ADAMTSL1: variants seen among roughly 807,000 people sequenced by gnomAD.
ADAMTSL1 encodes the protein ADAMTS like 1.
Under a neutral mutation model 201.8 loss-of-function variants are expected in ADAMTSL1, and 126 were observed. That is an observed-to-expected ratio of 0.62 (90% CI 0.54 to 0.72). The LOEUF (loss-of-function observed/expected upper bound fraction) is 0.72. Among genes scored for constraint, ADAMTSL1 ranks in the 30% least tolerant of loss-of-function variants. ADAMTSL1 has a pLI of 0.00. For missense variants in ADAMTSL1, 2,679 were observed against 2,277.8 expected (o/e 1.18, Z -3.59); for synonymous variants, 1,121 against 903.4 (o/e 1.24, Z -4.32).
At chr9:18,290,015 G>A (rs1033978716) in intron 2 of ADAMTSL1, among the ~76,000 whole-genome samples, 1 of 152,154 alleles carries the variant, frequency 6.6e-6, no homozygotes, top group Non-Finnish European at 1.5e-5. Flanking sequence ...CTTCACAGCA[G>A]GTTCAAAGAG....
Position 18,661,994 on chromosome 9 carries a change from C to A in ADAMTSL1, c.1006C>A (p.Gln336Lys), listed in dbSNP as rs757559183. The A allele has an allele frequency of 3.7e-6, 6 of 1,613,950 alleles. No homozygotes were observed. The highest frequency in any genetic ancestry group is 5.1e-6 in the Non-Finnish European group (6 of 1,179,968). Residue 336 changes from glutamine (Q) to lysine (K), a missense_variant, in exon 9 of 29, where the codon CAA becomes AAA. Gln to Lys is a moderately conservative substitution (Grantham distance 53). Coordinates refer to ENST00000380548, the MANE Select transcript of ADAMTSL1 (RefSeq NM_001040272.6). ...DLRSNRVVADQYCHYYPENIK... is the reference protein window; with the variant it reads ...DLRSNRVVADKYCHYYPENIK... ...GAGGAGCAACCGTGTGGTTGCTGAC[C>A]AATACTGTCACTATTACCCAGAGAA... is the stretch of plus-strand genomic sequence containing the variant.
intron 1 of ADAMTSL1, among the ~76,000 whole-genome samples, chr9:18,493,268 C>A (rs1822354720): frequency 1.3e-5 from 2 of 152,186 alleles, no homozygotes; most frequent in Non-Finnish European, 2.9e-5. Flanking sequence ...TAATTCTGCT[C>A]AACTTTACAT....
At chr9:18,073,978 A>AT (rs11353443) in intron 1 of ADAMTSL1, among the ~76,000 whole-genome samples, 37 of 150,748 alleles carry the variant, frequency 2.5e-4, no homozygotes, top group Non-Finnish European at 4.1e-4. Flanking sequence ...TGTAAAACTG[A>AT]TTTTTTTTTT....
At chr9:18,657,918 C>A (rs1828805982) in intron 8 of ADAMTSL1, among the ~76,000 whole-genome samples, 168 bp downstream of exon 8, 3 of 152,120 alleles carry the variant, frequency 2.0e-5, no homozygotes, top group Non-Finnish European at 4.4e-5. Context: ...GCAGATACCT[C>A]CGCCAAGATG....
Position 18,910,264 on chromosome 9 carries a change from AG to A in ADAMTSL1, c.*1717del, listed in dbSNP as rs1161451799. 1.3e-5 allele frequency: 2 copies of A among 152,130 alleles called. No homozygotes were observed. The highest frequency in any genetic ancestry group is 4.8e-5 in the African/African-American group (2 of 41,398). The allele number at this position is 152,130 out of a possible 1,614,324, so 9.4% of individuals were successfully genotyped here. On this transcript the variant is annotated 3_prime_UTR_variant, in exon 29 of 29. Transcript: ENST00000380548. ...TCATGTTACTAAAAAATCAGTGTAAAGTCTGTTTAAAATAAAAAAGAATGTT... is the reference window on the plus strand; with the variant it reads ...TCATGTTACTAAAAAATCAGTGTAAATCTGTTTAAAATAAAAAAGAATGTT...
intron 1 of ADAMTSL1, among the ~76,000 whole-genome samples, chr9:18,117,613 A>G (rs1357102016): frequency 6.6e-6 from 1 of 152,088 alleles, no homozygotes; most frequent in African/African-American, 2.4e-5. Context: ...GTTGTTTCCC[A>G]TGGCACCTGT....
At chr9:17,988,842 T>C (rs1472329034) in intron 1 of ADAMTSL1, among the ~76,000 whole-genome samples, 1 of 152,056 alleles carries the variant, frequency 6.6e-6, no homozygotes, top group Non-Finnish European at 1.5e-5. Flanking sequence ...TAACAAGGTT[T>C]CATCTTGATC....
intron 1 of ADAMTSL1, among the ~76,000 whole-genome samples, chr9:17,930,842 G>A (rs1323996674): frequency 1.3e-5 from 2 of 152,180 alleles, no homozygotes; most frequent in Admixed American, 6.5e-5. Context: ...CCCTACAGTA[G>A]TGAATCTTCC....
intron 1 of ADAMTSL1, among the ~76,000 whole-genome samples, chr9:18,154,326 C>T (rs1827051614): frequency 6.6e-6 from 1 of 152,018 alleles, no homozygotes; most frequent in Non-Finnish European, 1.5e-5. Context: ...GATTCTTCTG[C>T]TCCTTGTGCA....
At chr9:18,889,414 T>A (rs1424511245) in intron 24 of ADAMTSL1, among the ~76,000 whole-genome samples, 154 bp from the exon 25 acceptor site, 3 of 152,190 alleles carry the variant, frequency 2.0e-5, no homozygotes, top group Non-Finnish European at 4.4e-5. Flanking sequence ...CGGGAATGGT[T>A]CCCTGCGAGG....
At chr9:18,538,710 C>G (rs1471025286) in intron 3 of ADAMTSL1, among the ~76,000 whole-genome samples, 1 of 152,198 alleles carries the variant, frequency 6.6e-6, no homozygotes, top group Non-Finnish European at 1.5e-5. Flanking sequence ...TGTGAAAATT[C>G]ATGGCATTCA....
chr9:18,348,605 G>C (rs1835827474), intron 2 of ADAMTSL1, among the ~76,000 whole-genome samples: 1 of 152,074 alleles, frequency 6.6e-6, no homozygotes, highest in South Asian at 2.1e-4. Flanking sequence ...CATATATTTG[G>C]AAAGATCTGG....
At chr9:18,388,119 A>G (rs11788914) in intron 2 of ADAMTSL1, among the ~76,000 whole-genome samples, 5,915 of 152,072 alleles carry the variant, frequency 0.039, 243 homozygotes, top group Admixed American at 0.13. Flanking sequence ...TTTAAATCCT[A>G]TATTTTGAAC....
intron 1 of ADAMTSL1, among the ~76,000 whole-genome samples, chr9:18,091,287 C>T (rs1824007422): frequency 6.6e-6 from 1 of 151,968 alleles, no homozygotes; most frequent in Non-Finnish European, 1.5e-5. Flanking sequence ...TATGGTGTCT[C>T]ATCTTGGTAG....
intron 1 of ADAMTSL1, among the ~76,000 whole-genome samples, chr9:18,032,721 C>A (rs1272616840): frequency 6.6e-6 from 1 of 152,212 alleles, no homozygotes; most frequent in East Asian, 1.9e-4. Context: ...ACCTACTCTC[C>A]AGGCAGATCC....
chr9:18,482,257 CTAATAG>C (rs1483343009), intron 1 of ADAMTSL1, among the ~76,000 whole-genome samples: 1 of 152,222 alleles, frequency 6.6e-6, no homozygotes, highest in Non-Finnish European at 1.5e-5. Flanking sequence ...TTGCCGGACT[CTAATAG>C]TTTCACCACC....
At chr9:18,830,686 A>G (rs1824920552) in intron 23 of ADAMTSL1, among the ~76,000 whole-genome samples, 2 of 152,228 alleles carry the variant, frequency 1.3e-5, no homozygotes, top group Non-Finnish European at 2.9e-5. Flanking sequence ...CTGGAGACGG[A>G]CAAGGTGGAA....
intron 2 of ADAMTSL1, among the ~76,000 whole-genome samples, chr9:18,513,315 G>C (rs1049052047): frequency 1.3e-5 from 2 of 152,062 alleles, no homozygotes; most frequent in South Asian, 4.1e-4. Flanking sequence ...TTCTCCCTCC[G>C]CCGCAACCTC....
chr9:18,776,721 C>T (rs1821024668), intron 18 of ADAMTSL1, 60 bp from the exon 19 acceptor site: 2 of 1,473,856 alleles, frequency 1.4e-6, no homozygotes, highest in Admixed American at 2.3e-5. Context: ...CTGCATCTCA[C>T]TCTGGGTTTT....
Sources: allele counts gnomAD v4.1 joint callset (sites outside exome capture counted in the v4.1 genomes callset), GRCh38; gene constraint gnomAD v4.1.1; transcripts MANE v1.5; gene names NCBI Gene and HGNC (gene_info 2026-07-23, HGNC 2026-07-21).